Variants in MUC12 observed in about 807,000 individuals in gnomAD.
MUC12 encodes the protein mucin 12, cell surface associated.
In MUC12, 172 loss-of-function variants were observed where a neutral mutation model predicts 230.8. The observed-to-expected ratio is 0.75, with a 90% CI of 0.66 to 0.85. The LOEUF is 0.85. Among genes scored for constraint, MUC12 ranks in the 40% least tolerant of loss-of-function variants. The probability of loss-of-function intolerance (pLI) is 0.00; values close to 1 mark genes in which losing one functional copy is unlikely to be tolerated. For synonymous variants in MUC12, 1,259 were observed against 2,401.9 expected (o/e 0.52, Z 13.91); for missense variants, 3,506 against 5,920.6 (o/e 0.59, Z 13.38).
Position 100,995,521 on chromosome 7 carries a change from C to T in MUC12, c.4958C>T (p.Ala1653Val). 6 of 1,536,196 alleles carry T rather than the reference C, an allele frequency of 3.9e-6. No individual in the cohort carries two copies. The highest frequency in any genetic ancestry group is 1.2e-5 in the South Asian group (1 of 84,008). ...ACACTCTTACCTGACAACACCACAG[C>T]CTCAGGCCTCCTTGAAGCATCTACG... is the stretch of plus-strand genomic sequence containing the variant. ...ETTLLPDNTTASGLLEASTPV... is the reference protein window; with the variant it reads ...ETTLLPDNTTVSGLLEASTPV... The change falls in exon 2 of 12, where the codon GCC becomes GTC. Residue 1653 changes from alanine (A) to valine (V), a missense_variant. Physicochemically the swap from Ala to Val is moderately conservative, Grantham distance 64. Transcript: ENST00000536621.
At position 101,000,011 on chromosome 7, in the gene MUC12, G is replaced by A. The variant is rs79638663; in HGVS notation, c.9448G>A (p.Gly3150Ser). The change falls in exon 2 of 12, where the codon GGC becomes AGC. Residue 3150 changes from glycine (G) to serine (S), a missense_variant. By Grantham distance (56) the Gly-to-Ser change is moderately conservative. Transcript: ENST00000536621. ...PGSTHTTAFP[G>S]STTMPGVSQE... ...CTCAACGCACACAACAGCATTCCCTGGCAGTACCACCATGCCAGGCGTCAG... is the reference window on the plus strand; with the variant it reads ...CTCAACGCACACAACAGCATTCCCTAGCAGTACCACCATGCCAGGCGTCAG... 132 of 1,498,330 alleles carry A rather than the reference G, an allele frequency of 8.8e-5. No homozygotes were observed. The Admixed American group carries it at 1.4e-3, about 15-fold the overall frequency. The allele number at this position is 1,498,330 out of a possible 1,614,324, so 92.8% of individuals were successfully genotyped here.
intron 1 of MUC12, among the ~76,000 whole-genome samples, chr7:100,974,274 C>T (rs1186476699): frequency 1.3e-5 from 2 of 152,290 alleles, no homozygotes; most frequent in East Asian, 1.9e-4. Context: ...AATATTTCTC[C>T]TGCCCTGTTC....
At position 101,005,244 on chromosome 7, in the gene MUC12, C is replaced by A; in HGVS notation, c.14681C>A (p.Ala4894Asp). ...SPGFTHTVLP[A>D]TLTTTDIGQE... Reference sequence around the variant, plus strand: ...GGCTTCACTCACACAGTGTTACCTGCCACCCTCACAACCACAGACATTGGT... The same window carrying A: ...GGCTTCACTCACACAGTGTTACCTGACACCCTCACAACCACAGACATTGGT... The change falls in exon 2 of 12, where the codon GCC (alanine) becomes GAC (aspartate). Residue 4894 changes from alanine (A) to aspartate (D), a missense_variant. By Grantham distance (126) the Ala-to-Asp change is moderately radical. Coordinates refer to ENST00000536621, the MANE Select transcript of MUC12 (RefSeq NM_001164462.2). The A allele has an allele frequency of 6.5e-7, 1 of 1,537,874 alleles. No homozygotes were observed. Among genetic ancestry groups the A allele is most frequent in the Non-Finnish European group, 8.7e-7 (1 of 1,147,048 alleles).
At chr7:101,012,751 C>G in intron 6 of MUC12, 68 bp from the exon 7 acceptor site, 1 of 1,497,376 alleles carries the variant, frequency 6.7e-7, no homozygotes, top group Non-Finnish European at 9.0e-7. Flanking sequence ...AGAGAGAGGC[C>G]TGGCTACCCC....
intron 1 of MUC12, among the ~76,000 whole-genome samples, chr7:100,975,363 T>A (rs1327241052): frequency 6.6e-6 from 1 of 152,288 alleles, no homozygotes; most frequent in Non-Finnish European, 1.5e-5. Context: ...AAGCTGGGGG[T>A]GGAAATGGTT....
chr7:101,008,809 G>C (rs1256794277), intron 4 of MUC12, 48 bp downstream of exon 4: 1 of 1,510,602 alleles, frequency 6.6e-7, no homozygotes, highest in South Asian at 1.2e-5. Flanking sequence ...TCCCACGTGA[G>C]AGGAAATTGG....
chr7:101,012,685 T>G (rs1013908272), intron 6 of MUC12, 134 bp from the exon 7 acceptor site: 1 of 1,073,990 alleles, frequency 9.3e-7, no homozygotes, highest in Middle Eastern at 2.0e-4. Context: ...CAGCTGCATG[T>G]CTAGGGTGGG....
chr7:100,991,561 T>C lies in MUC12; in HGVS notation c.998T>C (p.Val333Ala). The C allele has an allele frequency of 1.3e-6, 2 of 1,536,884 alleles. No homozygotes were observed. The highest frequency in any genetic ancestry group is 8.7e-7 in the Non-Finnish European group (1 of 1,146,520). ...TLGHSEESTP[V>A]HSSPVATATT... ...GGCCATAGTGAGGAATCGACACCAG[T>C]CCACAGCAGCCCAGTTGCAACTGCA... is the stretch of plus-strand genomic sequence containing the variant. Residue 333 changes from valine to alanine, a missense_variant, in exon 2 of 12, where the codon GTC (valine) becomes GCC (alanine). Transcript: ENST00000536621.
At chr7:100,978,308 T>A (rs1021098344) in intron 1 of MUC12, among the ~76,000 whole-genome samples, 6 of 152,140 alleles carry the variant, frequency 3.9e-5, no homozygotes, top group African/African-American at 1.4e-4. Context: ...CAGGAGCCAA[T>A]GAGCTTATGT....
At chr7:101,014,353 C>A in intron 9 of MUC12, 1 of 297,506 alleles carries the variant, frequency 3.4e-6, no homozygotes, top group Non-Finnish European at 6.2e-6. Flanking sequence ...ATTTGGCTCA[C>A]AGTTCTGGAG....
chr7:100,979,948 C>A (rs1793081183), intron 1 of MUC12, among the ~76,000 whole-genome samples: 1 of 151,740 alleles, frequency 6.6e-6, no homozygotes, highest in African/African-American at 2.4e-5. Flanking sequence ...ATCACTTGAG[C>A]CCAGGAGTTC....
At chr7:101,007,404 CT>C (rs1405491213) in intron 3 of MUC12, among the ~76,000 whole-genome samples, 1 of 152,210 alleles carries the variant, frequency 6.6e-6, no homozygotes, top group African/African-American at 2.4e-5. Context: ...CTCCACCCTA[CT>C]ACCCTTCCCA....
At chr7:101,011,916 T>G (rs558985305) in intron 5 of MUC12, among the ~76,000 whole-genome samples, 8 of 152,228 alleles carry the variant, frequency 5.3e-5, no homozygotes, top group Non-Finnish European at 1.2e-4. Flanking sequence ...GAAGTAGAAT[T>G]GCTGGATCAT....
rs1333732157 is a variant in MUC12 at position 101,004,783 on chromosome 7, C to A, written c.14220C>A (p.Ile4740=). The A allele has an allele frequency of 5.2e-6, 8 of 1,537,794 alleles. No homozygotes were observed. The East Asian group carries it at 9.8e-5, about 19-fold the overall frequency. ...CAGGCCTCAGTGCAAAATCTACCAT[C>A]CTTTACAGTAGCTCCAGATCACCAG... ...TTPGLSAKST[I]LYSSSRSPDQ... Residue 4740 remains isoleucine, a synonymous_variant, in exon 2 of 12, where the codon ATC becomes ATA. Coordinates refer to ENST00000536621, the MANE Select transcript of MUC12 (RefSeq NM_001164462.2).
chr7:100,983,369 G>A (rs1206578333), intron 1 of MUC12, among the ~76,000 whole-genome samples: 1 of 150,992 alleles, frequency 6.6e-6, no homozygotes, highest in Non-Finnish European at 1.5e-5. Flanking sequence ...GCAGTGAGCC[G>A]AGATCCTGCC....
rs775135793 is a variant in MUC12 at position 101,005,240 on chromosome 7, C to T, written c.14677C>T (p.Pro4893Ser). ...CCCAGGCTTCACTCACACAGTGTTA[C>T]CTGCCACCCTCACAACCACAGACAT... Reference protein sequence around the residue: ...DSPGFTHTVLPATLTTTDIGQ... With the variant: ...DSPGFTHTVLSATLTTTDIGQ... Residue 4893 changes from proline to serine, a missense_variant, in exon 2 of 12, where the codon CCT (proline) becomes TCT (serine). Pro to Ser is a moderately conservative substitution (Grantham distance 74). Transcript: ENST00000536621. 1.4e-4 allele frequency: 218 copies of T among 1,537,778 alleles called. No homozygotes were observed. Among genetic ancestry groups the T allele is most frequent in the Non-Finnish European group, 1.8e-4 (209 of 1,147,064 alleles).
chr7:100,989,098 TC>T lies in MUC12; in HGVS notation c.68-1532del, dbSNP rs1205229934. ...CTCTGGTATGTCTTCTTCCTCTTCT[TC>T]TTTTTTTTTTTTTTTTTTTGAGACA... is the stretch of plus-strand genomic sequence containing the variant. On this transcript the variant is annotated intron_variant, in intron 1 of 11. Coordinates refer to ENST00000536621, the MANE Select transcript of MUC12 (RefSeq NM_001164462.2). 1.0e-3 allele frequency among the ~76,000 whole-genome samples: 142 copies of T among 137,670 alleles called. 6 individuals carry two copies. Among genetic ancestry groups the T allele is most frequent in the East Asian group, 1.4e-3 (7 of 4,916 alleles). The allele number at this position is 137,670 out of a possible 152,430, so 90.3% of individuals were successfully genotyped here.
At chr7:101,011,112 T>A (rs891359971) in intron 5 of MUC12, among the ~76,000 whole-genome samples, 3 of 151,966 alleles carry the variant, frequency 2.0e-5, no homozygotes, top group African/African-American at 7.3e-5. Flanking sequence ...ACATTTAAGA[T>A]CTAGCCAGAG....
chr7:100,975,421 C>T (rs1325971808), intron 1 of MUC12, among the ~76,000 whole-genome samples: 1 of 152,428 alleles, frequency 6.6e-6, no homozygotes, highest in East Asian at 1.9e-4. Flanking sequence ...GAACAGATTG[C>T]TTCACAATAG....
Sources: allele counts gnomAD v4.1 joint callset (sites outside exome capture counted in the v4.1 genomes callset), GRCh38; gene constraint gnomAD v4.1.1; transcripts MANE v1.5; gene names NCBI Gene and HGNC (gene_info 2026-07-23, HGNC 2026-07-21).